Variants in SSH2 observed in about 807,000 individuals in gnomAD.
The protein encoded by SSH2 is protein phosphatase Slingshot homolog 2.
SSH2 carries 37 observed loss-of-function variants against 135.2 expected under a neutral mutation model. The observed-to-expected ratio is 0.27, with a 90% CI of 0.21 to 0.36. The LOEUF (loss-of-function observed/expected upper bound fraction) is 0.36, where lower values mean the gene tolerates loss of function less well. Ranked by LOEUF, SSH2 falls within the 10% of genes least tolerant of loss-of-function variation. SSH2 has a pLI of 1.00. For synonymous variants in SSH2, 628 were observed against 646.2 expected (o/e 0.97, Z 0.43); for missense variants, 1,408 against 1,765.3 (o/e 0.80, Z 3.63).
At chr17:29,639,995 G>A (rs1322384003) in intron 14 of SSH2, among the ~76,000 whole-genome samples, 1 of 152,152 alleles carries the variant, frequency 6.6e-6, no homozygotes, top group Non-Finnish European at 1.5e-5. Context: ...ACCTCTCAGG[G>A]GGTGGCTGTT....
intron 9 of SSH2, among the ~76,000 whole-genome samples, chr17:29,669,731 C>T (rs1046297391): frequency 2.0e-5 from 3 of 152,120 alleles, no homozygotes; most frequent in African/African-American, 7.2e-5. Context: ...TATTATTATA[C>T]ATACTAAGAA....
At chr17:29,679,891 A>G (rs2037893700) in intron 6 of SSH2, among the ~76,000 whole-genome samples, 1 of 152,228 alleles carries the variant, frequency 6.6e-6, no homozygotes, top group Non-Finnish European at 1.5e-5. Context: ...CTACTATGCC[A>G]AAAGATCTGG....
intron 3 of SSH2, among the ~76,000 whole-genome samples, chr17:29,731,967 G>T (rs1199203756): frequency 6.6e-6 from 1 of 152,076 alleles, no homozygotes; most frequent in Non-Finnish European, 1.5e-5. Flanking sequence ...AAAAAGAAAG[G>T]GATGGAGGGA....
At chr17:29,646,546 C>T (rs1275686990) in intron 14 of SSH2, among the ~76,000 whole-genome samples, 2 of 152,120 alleles carry the variant, frequency 1.3e-5, no homozygotes, top group Non-Finnish European at 2.9e-5. Flanking sequence ...GTCGCCTAGG[C>T]CGGAGTGCAG....
chr17:29,838,027 G>A (rs1315955257), intron 2 of SSH2, among the ~76,000 whole-genome samples: 3 of 152,218 alleles, frequency 2.0e-5, no homozygotes, highest in Non-Finnish European at 4.4e-5. Context: ...CCCAAACCTC[G>A]GCTGCAGACC....
At chr17:29,766,699 A>T (rs771666285) in intron 3 of SSH2, among the ~76,000 whole-genome samples, 37 of 152,186 alleles carry the variant, frequency 2.4e-4, no homozygotes, top group Non-Finnish European at 3.8e-4. Context: ...ATAAGAAAAA[A>T]TGATTATACC....
In SSH2 at chr17:29,825,721, C is replaced by T. The variant is rs139416780; in HGVS notation, c.144+23128G>A. On this transcript the variant is annotated intron_variant, in intron 2 of 15. Transcript: ENST00000540801. ...CTATTTTCAGATAGCAAGGCCTGGT[C>T]GGAAGACGCCATCATTGTCCTGCCC... 5.2e-3 allele frequency among the ~76,000 whole-genome samples: 785 copies of T among 152,274 alleles called. 7 individuals are homozygous for T. The highest frequency in any genetic ancestry group is 0.018 in the African/African-American group (742 of 41,540).
chr17:29,716,699 C>T (rs1375319633), intron 3 of SSH2: 5 of 613,890 alleles, frequency 8.1e-6, no homozygotes, highest in Non-Finnish European at 9.3e-6. Flanking sequence ...TGGTGAATTA[C>T]TGGAAGATGG....
chr17:29,739,261 C>T (rs945529387), intron 3 of SSH2, among the ~76,000 whole-genome samples: 25 of 152,174 alleles, frequency 1.6e-4, no homozygotes, highest in Non-Finnish European at 5.9e-5. Context: ...TTTAACTTCA[C>T]ATCCTAGTCA....
At chr17:29,709,015 T>TATATATATATATAGAGAGAG (rs780981175) in intron 3 of SSH2, among the ~76,000 whole-genome samples, 9 of 81,592 alleles carry the variant, frequency 1.1e-4, no homozygotes, top group Admixed American at 1.6e-4. Context: ...TATATATATA[T>TATATATATATATAGAGAGAG]AGAGAGAGAG....
intron 3 of SSH2, among the ~76,000 whole-genome samples, chr17:29,712,981 C>T (rs1387757621): frequency 2.0e-5 from 3 of 152,116 alleles, no homozygotes; most frequent in Non-Finnish European, 2.9e-5. Flanking sequence ...ATTCTGTGTT[C>T]GATGTTATTA....
rs2067158857 is a variant in SSH2, at chr17:29,930,047, G to A, written c.-47C>T. 1 of 1,542,160 alleles carries A rather than the reference G, an allele frequency of 6.5e-7. No homozygotes were observed. On this transcript the variant is annotated 5_prime_UTR_variant, in exon 1 of 16. Transcript: ENST00000540801. ...CGGGCAGGGCATTCTTGTCCTGAGT[G>A]TGGGGGACGGGAGGGTGACGGAGCC...
chr17:29,707,127 T>TGGGCGACA (rs1048353892), intron 3 of SSH2: 1 of 146,992 alleles, frequency 6.8e-6, no homozygotes, highest in African/African-American at 2.6e-5. Flanking sequence ...CACTCCCGCC[T>TGGGCGACA]GGGCGACAGA....
chr17:29,681,352 A>G (rs1393405047), intron 6 of SSH2, among the ~76,000 whole-genome samples: 4 of 150,194 alleles, frequency 2.7e-5, no homozygotes, highest in African/African-American at 9.7e-5. Context: ...AAAAAAAAAA[A>G]AAAAAAAAAA....
intron 1 of SSH2, among the ~76,000 whole-genome samples, chr17:29,917,898 G>A (rs751859248): frequency 6.6e-6 from 1 of 152,070 alleles, no homozygotes; most frequent in Admixed American, 6.6e-5. Context: ...ACTAAATCAG[G>A]CCAGGTGCAT....
intron 2 of SSH2, among the ~76,000 whole-genome samples, chr17:29,797,369 C>T (rs1047771928): frequency 5.3e-5 from 8 of 152,104 alleles, no homozygotes; most frequent in African/African-American, 1.9e-4. Flanking sequence ...AATTAGTACA[C>T]AGGATATGAT....
intron 2 of SSH2, among the ~76,000 whole-genome samples, chr17:29,839,789 TAAC>T (rs1326097248): frequency 1.3e-5 from 2 of 152,182 alleles, no homozygotes; most frequent in African/African-American, 2.4e-5. Flanking sequence ...AGCACCAGAA[TAAC>T]AACATTACAT....
At chr17:29,860,985 TC>T (rs2065755016) in intron 1 of SSH2, among the ~76,000 whole-genome samples, 1 of 152,114 alleles carries the variant, frequency 6.6e-6, no homozygotes, top group South Asian at 2.1e-4. Context: ...CCTCAAGTGA[TC>T]CTCCCATCTC....
chr17:29,830,211 T>C (rs2042821696), intron 2 of SSH2, among the ~76,000 whole-genome samples: 1 of 152,190 alleles, frequency 6.6e-6, no homozygotes, highest in Non-Finnish European at 1.5e-5. Context: ...AGCACCAGCT[T>C]GAGTTATTTT....
Sources: gnomAD v4.1 joint callset for allele counts (sites outside exome capture counted in the v4.1 genomes callset) on GRCh38, gnomAD v4.1.1 for gene constraint, MANE v1.5 for transcripts, NCBI Gene and HGNC (gene_info 2026-07-23, HGNC 2026-07-21) for gene names.